Variants in LCORL observed in about 807,000 individuals in gnomAD.
LCORL encodes the protein ligand dependent nuclear receptor corepressor like.
Under a neutral mutation model 141.8 loss-of-function variants are expected in LCORL, and 41 were observed. That is an observed-to-expected ratio of 0.29 (90% CI 0.23 to 0.38). LCORL has a LOEUF of 0.38. Among genes scored for constraint, LCORL ranks in the 10% least tolerant of loss-of-function variants. The pLI, the probability that LCORL is intolerant of heterozygous loss-of-function variation, is 1.00. For missense variants in LCORL, 1,759 were observed against 2,035.0 expected (o/e 0.86, Z 2.61); for synonymous variants, 618 against 694.1 (o/e 0.89, Z 1.72).
intron 2 of LCORL, among the ~76,000 whole-genome samples, chr4:17,964,368 T>C (rs1714437904): frequency 6.6e-6 from 1 of 152,048 alleles, no homozygotes; most frequent in African/African-American, 2.4e-5. Flanking sequence ...ATGGATTAAA[T>C]GAAAAAATGT....
chr4:17,921,754 G>A (rs1037289122), intron 4 of LCORL, among the ~76,000 whole-genome samples: 2 of 152,144 alleles, frequency 1.3e-5, no homozygotes, highest in Non-Finnish European at 2.9e-5. Flanking sequence ...TTGAGTCAGT[G>A]GACTAGGAGA....
At chr4:17,893,696 T>C (rs1729457701) in intron 5 of LCORL, 1 of 549,298 alleles carries the variant, frequency 1.8e-6, no homozygotes, top group East Asian at 1.4e-4. Flanking sequence ...TTGAAATTTC[T>C]TGAGTCCAAA....
At chr4:17,883,449 T>C (rs888260830) in intron 6 of LCORL, 1 of 1,170,704 alleles carries the variant, frequency 8.5e-7, no homozygotes, top group African/African-American at 1.6e-5. Context: ...CCTGAATCTT[T>C]TTCACCTATT....
intron 5 of LCORL, among the ~76,000 whole-genome samples, chr4:17,888,719 C>T (rs1450606018): frequency 6.6e-6 from 1 of 152,122 alleles, no homozygotes. Context: ...TATTACTAAA[C>T]ATTGGTAGAG....
chr4:17,969,464 C>T (rs771894397), intron 2 of LCORL, among the ~76,000 whole-genome samples: 39 of 152,208 alleles, frequency 2.6e-4, no homozygotes, highest in Non-Finnish European at 3.8e-4. Flanking sequence ...AAAGTCTTTA[C>T]CTTTAAAATG....
chr4:17,992,129 A>G (rs1329925533), intron 1 of LCORL, among the ~76,000 whole-genome samples: 1 of 152,254 alleles, frequency 6.6e-6, no homozygotes, highest in African/African-American at 2.4e-5. Flanking sequence ...TAATTTATAA[A>G]GCAAAGAGGG....
At chr4:17,880,003 A>G (rs1577313852) in intron 6 of LCORL, among the ~76,000 whole-genome samples, 1 of 151,216 alleles carries the variant, frequency 6.6e-6, no homozygotes, top group African/African-American at 2.4e-5. Flanking sequence ...AGCTCACAAA[A>G]TTACAAAAAC....
At chr4:17,869,085 C>A (rs2109157947) in intron 7 of LCORL, among the ~76,000 whole-genome samples, 1 of 144,520 alleles carries the variant, frequency 6.9e-6, no homozygotes, top group Middle Eastern at 3.6e-3. Flanking sequence ...ACCCTTTTGG[C>A]TAAGACCAAT....
rs188663078 is a variant in LCORL, at chr4:17,980,256, C to G, written c.155-7371G>C. ...TTGATTGACTCAGGGTACAGATCTA[C>G]TAGAGGGCTGGTCTGTGGCAAATTC... is the stretch of plus-strand genomic sequence containing the variant. On this transcript the variant is annotated intron_variant, in intron 1 of 7. Transcript: ENST00000635767. Among the ~76,000 whole-genome samples, 106 of 152,322 alleles carry G rather than the reference C, an allele frequency of 7.0e-4. No individual in the cohort carries two copies. In the Middle Eastern group the frequency reaches 0.027, roughly 39 times the overall value.
intron 4 of LCORL, among the ~76,000 whole-genome samples, chr4:17,933,054 AT>A (rs1049383302): frequency 6.6e-6 from 1 of 151,842 alleles, no homozygotes; most frequent in Non-Finnish European, 1.5e-5. Context: ...GATTTACCTG[AT>A]TTTTATCTTT....
At chr4:17,888,372 C>T (rs1359332344) in intron 5 of LCORL, among the ~76,000 whole-genome samples, 1 of 152,108 alleles carries the variant, frequency 6.6e-6, no homozygotes, top group East Asian at 1.9e-4. Flanking sequence ...TAAGCTTAGT[C>T]TCCAACTCAT....
intron 4 of LCORL, among the ~76,000 whole-genome samples, chr4:17,927,753 T>C (rs1398223478): frequency 6.6e-6 from 1 of 152,146 alleles, no homozygotes; most frequent in East Asian, 1.9e-4. Flanking sequence ...TGCTCCAAAA[T>C]AATTACAATC....
intron 5 of LCORL, chr4:17,893,514 T>C: frequency 5.1e-6 from 5 of 985,338 alleles, no homozygotes; most frequent in Non-Finnish European, 6.0e-6. Flanking sequence ...CGAGTGTGTT[T>C]TGTGCACAGG....
At chr4:17,953,680 T>C (rs536340583) in intron 4 of LCORL, among the ~76,000 whole-genome samples, 3 of 152,272 alleles carry the variant, frequency 2.0e-5, no homozygotes, top group Middle Eastern at 3.4e-3. Context: ...AAGCATTGCT[T>C]TTGATTCTGA....
At chr4:17,878,035 C>A in exon 7 of LCORL, 13 of 1,230,562 alleles carry the variant, frequency 1.1e-5, no homozygotes, top group Non-Finnish European at 1.3e-5. Flanking sequence ...TCTGAAGACA[C>A]AACACATGAT....
At chr4:17,978,813 C>T (rs916504624) in intron 1 of LCORL, among the ~76,000 whole-genome samples, 1 of 152,160 alleles carries the variant, frequency 6.6e-6, no homozygotes, top group Non-Finnish European at 1.5e-5. Flanking sequence ...ATTTCTTGAG[C>T]TCTTTCTCTC....
chr4:17,954,053 C>A (rs899441100), intron 4 of LCORL, among the ~76,000 whole-genome samples: 3 of 152,102 alleles, frequency 2.0e-5, no homozygotes, highest in Admixed American at 2.0e-4. Flanking sequence ...ATCCCAGCTA[C>A]AGGGGAGGCT....
chr4:17,933,661 T>C (rs1427048904), intron 4 of LCORL, among the ~76,000 whole-genome samples: 1 of 152,116 alleles, frequency 6.6e-6, no homozygotes, highest in Non-Finnish European at 1.5e-5. Context: ...ACTATTCTTC[T>C]GTTTTTCTGC....
chr4:17,875,031 C>G (rs965206552), exon 7 of LCORL: 2 of 1,233,386 alleles, frequency 1.6e-6, no homozygotes, highest in African/African-American at 1.6e-5. Context: ...AGCAATCATA[C>G]GTTTTGATCC....
Sources: gnomAD v4.1 joint callset for allele counts (sites outside exome capture counted in the v4.1 genomes callset) on GRCh38, gnomAD v4.1.1 for gene constraint, MANE v1.5 for transcripts, NCBI Gene and HGNC (gene_info 2026-07-23, HGNC 2026-07-21) for gene names.